CNKSR2: variants seen among roughly 807,000 people sequenced by gnomAD.
CNKSR2 encodes CNK homolog protein 2.
A neutral mutation model predicts 84.4 loss-of-function variants in CNKSR2; 14 were observed. The ratio of observed to expected loss-of-function variants is 0.17; its 90% CI spans 0.11 to 0.26. The LOEUF is 0.26. Among genes scored for constraint, CNKSR2 ranks in the 10% least tolerant of loss-of-function variants. The pLI is 1.00. For synonymous variants in CNKSR2, 275 were observed against 277.9 expected, an observed-to-expected ratio of 0.99 and a Z score of 0.10; for missense variants, 485 against 771.2, an observed-to-expected ratio of 0.63 and a Z score of 4.40.
At chrX:21,441,807 A>G (rs1195815248) in intron 4 of CNKSR2, among the ~76,000 whole-genome samples, 1 of 111,923 alleles carries the variant, frequency 8.9e-6, no homozygotes, top group Non-Finnish European at 1.9e-5. Flanking sequence ...ACATGCATTT[A>G]TTACCAGGCT....
chrX:21,630,110 A>G (rs1393976542), intron 20 of CNKSR2, among the ~76,000 whole-genome samples: 2 of 111,936 alleles, frequency 1.8e-5, no homozygotes, highest in East Asian at 5.6e-4. Flanking sequence ...TCTATAGATG[A>G]TACCTCTCTG....
chrX:21,652,663 C>T lies in CNKSR2; in HGVS notation c.*142C>T, dbSNP rs776474803. On this transcript the variant is annotated 3_prime_UTR_variant, in exon 22 of 22. Coordinates refer to ENST00000379510, the MANE Select transcript of CNKSR2 (RefSeq NM_014927.5). ...ATATGAAACAAACCATATATGGTCACAATACCACTATCTTTAATGAGCATT... is the reference window on the plus strand; with the variant it reads ...ATATGAAACAAACCATATATGGTCATAATACCACTATCTTTAATGAGCATT... 8.0e-5 allele frequency: 36 copies of T among 447,399 alleles called. No individual in the cohort carries two copies. Among genetic ancestry groups the T allele is most frequent in the Non-Finnish European group, 1.2e-4 (31 of 260,612 alleles). 36.9% of individuals were successfully genotyped at this position (447,399 alleles called of 1,213,427 possible).
At chrX:21,648,751 G>C in intron 20 of CNKSR2, 80 bp from the exon 21 acceptor site, 1 of 801,410 alleles carries the variant, frequency 1.2e-6, no homozygotes, top group South Asian at 2.9e-5. Flanking sequence ...TAACTATATT[G>C]CAATGAATTC....
At chrX:21,375,801 A>G (rs749807273) in intron 1 of CNKSR2, among the ~76,000 whole-genome samples, 1 of 111,749 alleles carries the variant, frequency 8.9e-6, no homozygotes, top group Admixed American at 9.4e-5. Context: ...AACCACAGTT[A>G]TAGACACTCA....
chrX:21,397,321 A>G (rs1297838989), intron 1 of CNKSR2, among the ~76,000 whole-genome samples: 1 of 111,769 alleles, frequency 8.9e-6, no homozygotes, highest in Non-Finnish European at 1.9e-5. Flanking sequence ...TATGAGCAAT[A>G]TACATGCACC....
chrX:21,503,490 G>A (rs1222275715), intron 8 of CNKSR2: 1 of 266,629 alleles, frequency 3.8e-6, no homozygotes, highest in East Asian at 5.3e-5. Context: ...TAAGGTATAT[G>A]TAGAAATTGA....
intron 9 of CNKSR2, among the ~76,000 whole-genome samples, chrX:21,526,553 G>A: frequency 9.0e-6 from 1 of 111,015 alleles, no homozygotes. Flanking sequence ...GTTTCTAACT[G>A]TGAGATAAAT....
At chrX:21,605,439 A>G (rs757263736) in intron 18 of CNKSR2, among the ~76,000 whole-genome samples, 5 of 112,312 alleles carry the variant, frequency 4.5e-5, no homozygotes, top group Non-Finnish European at 5.6e-5. Context: ...TATAGTTGAG[A>G]ATGTATTTTA....
At chrX:21,467,323 T>C (rs1185103287) in intron 4 of CNKSR2, among the ~76,000 whole-genome samples, 2 of 111,303 alleles carry the variant, frequency 1.8e-5, no homozygotes, top group Non-Finnish European at 3.8e-5. Flanking sequence ...CCTCAAATGA[T>C]TCTTATATAT....
chrX:21,523,044 G>C (rs1231451171), intron 9 of CNKSR2, among the ~76,000 whole-genome samples: 1 of 110,703 alleles, frequency 9.0e-6, no homozygotes, highest in Non-Finnish European at 1.9e-5. Flanking sequence ...TTTAGGATTT[G>C]GACATTTTAA....
Position 21,579,896 on chromosome X carries a change from C to G in CNKSR2, c.1609-10676C>G, listed in dbSNP as rs765716121. Among the ~76,000 whole-genome samples, 3 of 111,718 alleles carry G rather than the reference C, an allele frequency of 2.7e-5. 1 individual carries two copies. The South Asian group carries it at 1.1e-3, about 42-fold the overall frequency. ...TGAAGAAGTGGCAGCAAATATCAAG[C>G]CCTCCAGAAATTTAATTTTTTATAC... On this transcript the variant is annotated intron_variant, in intron 13 of 21. Transcript: ENST00000379510.
chrX:21,452,005 A>G (rs1026155458), intron 4 of CNKSR2, among the ~76,000 whole-genome samples: 8 of 111,831 alleles, frequency 7.2e-5, no homozygotes, highest in African/African-American at 2.6e-4. Context: ...TCAGGCTGTC[A>G]AAACACAGCT....
intron 4 of CNKSR2, among the ~76,000 whole-genome samples, chrX:21,462,240 A>G (rs902947811): frequency 1.8e-5 from 2 of 111,254 alleles, no homozygotes; most frequent in African/African-American, 6.5e-5. Context: ...CATTACAGAG[A>G]TCTTTCACTT....
At chrX:21,464,156 C>G (rs1171859717) in intron 4 of CNKSR2, among the ~76,000 whole-genome samples, 1 of 112,202 alleles carries the variant, frequency 8.9e-6, no homozygotes, top group Non-Finnish European at 1.9e-5. Flanking sequence ...TGATTGATTC[C>G]CCTCTGGTTA....
intron 1 of CNKSR2, among the ~76,000 whole-genome samples, chrX:21,417,235 C>T: frequency 8.9e-6 from 1 of 111,870 alleles, no homozygotes; most frequent in African/African-American, 3.2e-5. Context: ...CAAAATTCCT[C>T]TTGTCATCAA....
chrX:21,564,746 A>G (rs1313023515), intron 13 of CNKSR2, among the ~76,000 whole-genome samples: 1 of 104,684 alleles, frequency 9.6e-6, no homozygotes, highest in Non-Finnish European at 1.9e-5. Context: ...ACTAGAGTGT[A>G]GAAAAATGTT....
intron 5 of CNKSR2, among the ~76,000 whole-genome samples, chrX:21,485,656 G>T (rs957311167): frequency 2.7e-5 from 3 of 111,426 alleles, no homozygotes; most frequent in Non-Finnish European, 5.6e-5. Context: ...GGCTACCCTT[G>T]TCTGTTATTC....
rs1441109496 is a variant in CNKSR2, at chrX:21,594,776, A to G, written c.1831-198A>G. 7 of 308,404 alleles carry G rather than the reference A, an allele frequency of 2.3e-5. No homozygotes were observed. The East Asian group carries it at 3.3e-4, about 15-fold the overall frequency. 25.4% of individuals were successfully genotyped at this position (308,404 alleles called of 1,213,427 possible). A position where few individuals can be genotyped will look rare whatever the true frequency, so the allele number is the denominator to read the frequency against. On this transcript the variant is annotated intron_variant, in intron 15 of 21. Coordinates refer to ENST00000379510, the MANE Select transcript of CNKSR2 (RefSeq NM_014927.5). ...TTAAAAGTTCTATACTTTAATTTGT[A>G]GTATTCTAAGTGTTCAAAATATATC...
At chrX:21,495,941 T>G (rs1423183494) in intron 6 of CNKSR2, among the ~76,000 whole-genome samples, 1 of 108,746 alleles carries the variant, frequency 9.2e-6, no homozygotes, top group Non-Finnish European at 1.9e-5. Flanking sequence ...CACCATAGAA[T>G]GTACTTACAC....
Sources: gnomAD v4.1 joint callset for allele counts (sites outside exome capture counted in the v4.1 genomes callset) on GRCh38, gnomAD v4.1.1 for gene constraint, MANE v1.5 for transcripts, NCBI Gene and HGNC (gene_info 2026-07-23, HGNC 2026-07-21) for gene names.